NKAIN2: variants seen among roughly 807,000 people sequenced by gnomAD.
The protein encoded by NKAIN2 is sodium/potassium transporting ATPase interacting 2.
NKAIN2 carries 14 observed loss-of-function variants against 32.6 expected under a neutral mutation model. That is an observed-to-expected ratio of 0.43 (90% CI 0.28 to 0.67). NKAIN2 has a LOEUF of 0.67. Among genes scored for constraint, NKAIN2 ranks in the 30% least tolerant of loss-of-function variants. NKAIN2 has a pLI of 0.17. For missense variants in NKAIN2, 198 were observed against 258.3 expected (o/e 0.77, Z 1.60); for synonymous variants, 80 against 87.2 (o/e 0.92, Z 0.46).
At chr6:124,520,021 G>T (rs535330803) in intron 3 of NKAIN2, among the ~76,000 whole-genome samples, 1 of 152,068 alleles carries the variant, frequency 6.6e-6, no homozygotes, top group African/African-American at 2.4e-5. Flanking sequence ...AAACATGCTC[G>T]AGCAAGGTCA....
intron 4 of NKAIN2, among the ~76,000 whole-genome samples, chr6:124,766,203 GCTCTA>G (rs893622152): frequency 7.9e-5 from 12 of 152,276 alleles, no homozygotes; most frequent in African/African-American, 2.2e-4. Flanking sequence ...GCAAACTCAA[GCTCTA>G]GACTTATAGG....
At chr6:124,439,135 T>C (rs997440349) in intron 3 of NKAIN2, among the ~76,000 whole-genome samples, 1 of 152,124 alleles carries the variant, frequency 6.6e-6, no homozygotes, top group Admixed American at 6.6e-5. Flanking sequence ...AAAGTTAAAG[T>C]GTGAAACAAA....
chr6:124,562,427 TAAAC>T (rs1182713155), intron 3 of NKAIN2, among the ~76,000 whole-genome samples: 3 of 152,160 alleles, frequency 2.0e-5, no homozygotes, highest in Non-Finnish European at 2.9e-5. Flanking sequence ...TAGAAGAAAA[TAAAC>T]AGATAGTGTC....
intron 1 of NKAIN2, among the ~76,000 whole-genome samples, chr6:123,824,795 T>G (rs1229647115): frequency 1.3e-5 from 2 of 151,930 alleles, no homozygotes; most frequent in East Asian, 3.9e-4. Context: ...GGGAAGAGTT[T>G]TAGGTTTAGG....
intron 3 of NKAIN2, among the ~76,000 whole-genome samples, chr6:124,647,246 T>C (rs1368848421): frequency 6.6e-6 from 1 of 151,672 alleles, no homozygotes; most frequent in East Asian, 1.9e-4. Context: ...TATAAAATAT[T>C]CTATTAAAAA....
intron 4 of NKAIN2, among the ~76,000 whole-genome samples, chr6:124,687,757 C>CACACACACAA (rs1774048540): frequency 7.0e-6 from 1 of 141,846 alleles, no homozygotes; most frequent in African/African-American, 2.6e-5. Flanking sequence ...CACACACACA[C>CACACACACAA]ACACACACAC....
intron 1 of NKAIN2, among the ~76,000 whole-genome samples, chr6:124,002,449 CT>C (rs148235901): frequency 5.9e-5 from 9 of 151,284 alleles, no homozygotes; most frequent in South Asian, 2.1e-4. Flanking sequence ...CTATCTGTCC[CT>C]TTTTTTTTCC....
At chr6:124,554,064 G>A (rs1160569148) in intron 3 of NKAIN2, among the ~76,000 whole-genome samples, 1 of 152,168 alleles carries the variant, frequency 6.6e-6, no homozygotes. Context: ...GTCAGTCTTA[G>A]TATATAGCTA....
In NKAIN2 at chr6:124,662,340, A is replaced by C. The variant is rs374565509; in HGVS notation, c.474+3954A>C. On this transcript the variant is annotated intron_variant, in intron 4 of 6. Coordinates refer to ENST00000368417, the MANE Select transcript of NKAIN2 (RefSeq NM_001040214.3). ...ATATATGTAAGCTTTCTGTTTTCCC[A>C]CAGCCATTAGTGTTGACTTAGAAAC... Among the ~76,000 whole-genome samples, 203 of 152,266 alleles carry C rather than the reference A, an allele frequency of 1.3e-3. 2 individuals carry two copies. Among genetic ancestry groups the C allele is most frequent in the East Asian group, 0.01 (54 of 5,182 alleles).
intron 1 of NKAIN2, among the ~76,000 whole-genome samples, chr6:124,123,545 T>C (rs1244275235): frequency 1.3e-5 from 2 of 152,162 alleles, no homozygotes; most frequent in African/African-American, 4.8e-5. Flanking sequence ...TGTGCATTTG[T>C]TGCGCATTCA....
chr6:124,340,375 CT>C (rs202197620), intron 2 of NKAIN2, among the ~76,000 whole-genome samples: 1 of 151,970 alleles, frequency 6.6e-6, no homozygotes. Flanking sequence ...TAGGCCTTTT[CT>C]TTTTTTAGCT....
intron 1 of NKAIN2, among the ~76,000 whole-genome samples, chr6:123,873,560 C>T (rs547182225): frequency 1.3e-4 from 20 of 151,874 alleles, no homozygotes; most frequent in African/African-American, 4.1e-4. Flanking sequence ...AAAATGCAGG[C>T]GAGAGGAGAG....
chr6:124,348,176 G>T (rs113515694), intron 2 of NKAIN2, among the ~76,000 whole-genome samples: 1 of 152,078 alleles, frequency 6.6e-6, no homozygotes, highest in Non-Finnish European at 1.5e-5. Context: ...GAATGCTGCT[G>T]TCTGCTTGTT....
intron 1 of NKAIN2, among the ~76,000 whole-genome samples, chr6:124,273,495 GGTAGTA>G (rs1794896590): frequency 6.6e-6 from 1 of 152,118 alleles, no homozygotes; most frequent in Non-Finnish European, 1.5e-5. Flanking sequence ...CCCAGTCTCA[GGTAGTA>G]TCTTTATAGC....
chr6:124,706,317 G>A (rs1415835622), intron 4 of NKAIN2, among the ~76,000 whole-genome samples: 1 of 152,058 alleles, frequency 6.6e-6, no homozygotes, highest in Non-Finnish European at 1.5e-5. Context: ...GCCTTAGGCA[G>A]GTCCTTAGCC....
chr6:123,956,818 G>C (rs1777615789), intron 1 of NKAIN2, among the ~76,000 whole-genome samples: 1 of 152,180 alleles, frequency 6.6e-6, no homozygotes, highest in South Asian at 2.1e-4. Flanking sequence ...TGTTGCAAGA[G>C]CTCAAGCTAG....
At chr6:124,801,902 G>C (rs1385853996) in intron 5 of NKAIN2, among the ~76,000 whole-genome samples, 1 of 152,160 alleles carries the variant, frequency 6.6e-6, no homozygotes, top group Non-Finnish European at 1.5e-5. Context: ...GATCCATATT[G>C]ACCAAAGGTA....
At chr6:123,822,238 A>G (rs1307075517) in intron 1 of NKAIN2, among the ~76,000 whole-genome samples, 2 of 152,118 alleles carry the variant, frequency 1.3e-5, no homozygotes, top group Non-Finnish European at 2.9e-5. Flanking sequence ...CTGACAACTA[A>G]TTTTTTATGC....
chr6:123,826,482 A>G (rs1469089442), intron 1 of NKAIN2, among the ~76,000 whole-genome samples: 1 of 152,072 alleles, frequency 6.6e-6, no homozygotes, highest in Non-Finnish European at 1.5e-5. Context: ...ATTTTCCCAA[A>G]CGGAAACCCT....
Sources: allele counts gnomAD v4.1 joint callset (sites outside exome capture counted in the v4.1 genomes callset), GRCh38; gene constraint gnomAD v4.1.1; transcripts MANE v1.5; gene names NCBI Gene and HGNC (gene_info 2026-07-23, HGNC 2026-07-21).